The following PARPBP variants were observed in gnomAD, a reference collection of about 807,000 sequenced individuals.
The protein encoded by PARPBP is PARP1 binding protein.
Under a neutral mutation model 50.0 loss-of-function variants are expected in PARPBP, and 52 were observed. The ratio of observed to expected loss-of-function variants is 1.04; its 90% confidence interval spans 0.83 to 1.31. The LOEUF (loss-of-function observed/expected upper bound fraction) is 1.31, where lower values mean the gene tolerates loss of function less well. Ranked by LOEUF, PARPBP falls within the 50% of genes most tolerant of loss-of-function variation. The pLI is 0.00. For synonymous variants in PARPBP, 244 were observed against 232.1 expected (o/e 1.05, Z -0.47); for missense variants, 697 against 672.0 (o/e 1.04, Z -0.41).
intron 2 of PARPBP, among the ~76,000 whole-genome samples, chr12:102,137,276 A>G (rs12578176): frequency 0.15 from 23,066 of 152,124 alleles, 2,264 homozygotes; most frequent in South Asian, 0.28. Flanking sequence ...GTTTGAGAAC[A>G]TGAGTCTTAA....
chr12:102,162,560 C>T (rs1364384382), intron 4 of PARPBP, among the ~76,000 whole-genome samples: 1 of 152,208 alleles, frequency 6.6e-6, no homozygotes, highest in Admixed American at 6.5e-5. Flanking sequence ...GTGGCTCACA[C>T]CTGTATTCCC....
At chr12:102,128,047 C>G (rs1253767407) in intron 2 of PARPBP, among the ~76,000 whole-genome samples, 1 of 152,080 alleles carries the variant, frequency 6.6e-6, no homozygotes, top group Admixed American at 6.5e-5. Context: ...AAAATGTATT[C>G]TCTGAACAGT....
At chr12:102,147,843 A>G (rs1446324096) in intron 2 of PARPBP, among the ~76,000 whole-genome samples, 1 of 152,172 alleles carries the variant, frequency 6.6e-6, no homozygotes, top group Non-Finnish European at 1.5e-5. Flanking sequence ...TAGATTCGCC[A>G]AAAGAACGAA....
intron 4 of PARPBP, among the ~76,000 whole-genome samples, chr12:102,163,915 G>C (rs1887856026): frequency 6.6e-6 from 1 of 152,086 alleles, no homozygotes; most frequent in South Asian, 2.1e-4. Context: ...CCTAAACTCA[G>C]CATCTAGGTC....
intron 3 of PARPBP, 193 bp downstream of exon 3, chr12:102,148,656 C>T (rs1168307490): frequency 2.3e-6 from 1 of 438,870 alleles, no homozygotes; most frequent in Non-Finnish European, 4.0e-6. Context: ...TTTTCTTGGA[C>T]TTGTGTTATT....
intron 2 of PARPBP, among the ~76,000 whole-genome samples, chr12:102,132,895 A>C (rs1883081503): frequency 6.6e-6 from 1 of 151,844 alleles, no homozygotes; most frequent in Non-Finnish European, 1.5e-5. Context: ...TATTTGTAAA[A>C]ATTTTTTGTT....
intron 4 of PARPBP, among the ~76,000 whole-genome samples, chr12:102,155,594 TGG>T (rs796474782): frequency 0.039 from 1,589 of 40,494 alleles, 31 homozygotes; most frequent in Non-Finnish European, 0.056. Context: ...GAGAGCATGG[TGG>T]GGGGGGGGGG....
At chr12:102,123,455 C>G (rs193102925) in intron 1 of PARPBP, among the ~76,000 whole-genome samples, 1 of 151,582 alleles carries the variant, frequency 6.6e-6, no homozygotes, top group African/African-American at 2.4e-5. Flanking sequence ...AATAGGCCAC[C>G]TCTTTTGGGA....
chr12:102,127,658 G>T (rs916299407), intron 2 of PARPBP, among the ~76,000 whole-genome samples: 1 of 152,078 alleles, frequency 6.6e-6, no homozygotes, highest in African/African-American at 2.4e-5. Flanking sequence ...TGACCTGGAG[G>T]TTGGTTCTAT....
At chr12:102,138,845 A>G (rs1298465137) in intron 2 of PARPBP, among the ~76,000 whole-genome samples, 2 of 152,104 alleles carry the variant, frequency 1.3e-5, no homozygotes, top group Non-Finnish European at 1.5e-5. Context: ...CCATTGATCT[A>G]TATCTCTGTT....
chr12:102,174,526 T>C (rs1252132073), intron 6 of PARPBP, among the ~76,000 whole-genome samples: 1 of 152,182 alleles, frequency 6.6e-6, no homozygotes, highest in East Asian at 1.9e-4. Flanking sequence ...TTTAATAGCA[T>C]ACCCAAGGTT....
At chr12:102,147,963 A>C (rs1026840779) in intron 2 of PARPBP, among the ~76,000 whole-genome samples, 7 of 152,126 alleles carry the variant, frequency 4.6e-5, no homozygotes, top group African/African-American at 1.7e-4. Flanking sequence ...ATTTCAAGAA[A>C]TGTAACAGCG....
intron 3 of PARPBP, among the ~76,000 whole-genome samples, chr12:102,153,262 C>T (rs1321547436): frequency 6.6e-6 from 1 of 152,156 alleles, no homozygotes; most frequent in Admixed American, 6.5e-5. Context: ...TCCAAATTGC[C>T]TTTGAAAACC....
intron 6 of PARPBP, among the ~76,000 whole-genome samples, chr12:102,168,074 T>C (rs1056221898): frequency 6.6e-6 from 1 of 152,178 alleles, no homozygotes; most frequent in African/African-American, 2.4e-5. Context: ...CTGTTTTCAT[T>C]TTTTTGTACT....
At chr12:102,150,020 C>T (rs549414308) in intron 3 of PARPBP, among the ~76,000 whole-genome samples, 1 of 152,270 alleles carries the variant, frequency 6.6e-6, no homozygotes, top group South Asian at 2.1e-4. Context: ...TGTTTTCCTT[C>T]TATTCCTCGC....
rs770581579 is a variant in PARPBP at position 102,175,468 on chromosome 12, A to G, written c.822-15A>G. 3.8e-6 allele frequency: 6 copies of G among 1,593,620 alleles called. No individual in the cohort carries two copies. Among genetic ancestry groups the G allele is most frequent in the South Asian group, 2.2e-5 (2 of 89,862 alleles). On this transcript the variant is annotated splice_polypyrimidine_tract_variant and intron_variant, in intron 6 of 10. Transcript: ENST00000327680. ...TGCAATACTGCTATAGAGGCAATCTAATTTCTATTTTCAGCATTGCAGGGG... is the reference window on the plus strand; with the variant it reads ...TGCAATACTGCTATAGAGGCAATCTGATTTCTATTTTCAGCATTGCAGGGG...
chr12:102,152,086 A>G lies in PARPBP; in HGVS notation c.388-1783A>G, dbSNP rs534666533. ...AAACCAAAGAATGCTTTTATTTCCA[A>G]CTGCATCCCTTGCTCTGCTGCTTCC... On this transcript the variant is annotated intron_variant, in intron 3 of 10. Transcript: ENST00000327680. 7.0e-5 allele frequency: 24 copies of G among 344,234 alleles called. 1 individual carries two copies. The highest frequency in any genetic ancestry group is 3.5e-4 in the Admixed American group (8 of 22,966). 21.3% of individuals were successfully genotyped at this position (344,234 alleles called of 1,614,324 possible). A position where few individuals can be genotyped will look rare whatever the true frequency, so the allele number is the denominator to read the frequency against.
At chr12:102,190,979 C>G in intron 9 of PARPBP, among the ~76,000 whole-genome samples, 1 of 151,872 alleles carries the variant, frequency 6.6e-6, no homozygotes. Context: ...CAACATTTTC[C>G]GTTAGAATGA....
rs1253818111 is a variant in PARPBP, at chr12:102,165,867, G to A, written c.805G>A (p.Glu269Lys). The A allele has an allele frequency of 1.9e-6, 3 of 1,555,826 alleles. No homozygotes were observed. The highest frequency in any genetic ancestry group is 1.4e-5 in the African/African-American group (1 of 73,480). ...TGACAAATTAGATGAGATTCTTGGA[G>A]AAATACCAAACCCAAGGTAATGACT... is the stretch of plus-strand genomic sequence containing the variant. ...FIDKLDEILG[E>K]IPNPSIAGGQ... Residue 269 changes from glutamate (E) to lysine (K), a missense_variant, in exon 6 of 11, where the codon GAA becomes AAA. Transcript: ENST00000327680.
Sources: gnomAD v4.1 joint callset for allele counts (sites outside exome capture counted in the v4.1 genomes callset) on GRCh38, gnomAD v4.1.1 for gene constraint, MANE v1.5 for transcripts, NCBI Gene and HGNC (gene_info 2026-07-23, HGNC 2026-07-21) for gene names.